The following NRXN1 variants were observed in gnomAD, a reference collection of about 807,000 sequenced individuals.
The protein encoded by NRXN1 is neurexin 1, also known as neurexin-1.
NRXN1 carries 39 observed loss-of-function variants against 150.9 expected under a neutral mutation model. The observed-to-expected ratio is 0.26, with a 90% CI of 0.20 to 0.34. The LOEUF (loss-of-function observed/expected upper bound fraction) is 0.34, where lower values mean the gene tolerates loss of function less well. Among genes scored for constraint, NRXN1 ranks in the 10% least tolerant of loss-of-function variants. The pLI is 1.00. For synonymous variants in NRXN1, 924 were observed against 757.0 expected, an observed-to-expected ratio of 1.22 and a Z score of -3.62; for missense variants, 1,815 against 1,949.9, an observed-to-expected ratio of 0.93 and a Z score of 1.30.
chr2:50,800,738 C>T (rs927030980), intron 5 of NRXN1, among the ~76,000 whole-genome samples: 5 of 151,964 alleles, frequency 3.3e-5, no homozygotes, highest in African/African-American at 9.7e-5. Flanking sequence ...TTAGTAGAGA[C>T]GGGGTTTCAC....
intron 17 of NRXN1, among the ~76,000 whole-genome samples, chr2:50,351,680 A>T (rs1267377812): frequency 6.6e-6 from 1 of 152,140 alleles, no homozygotes; most frequent in Non-Finnish European, 1.5e-5. Context: ...TTTCTAGCAC[A>T]CTACTCTGAG....
chr2:50,218,490 C>CTTTTT (rs34919769), intron 18 of NRXN1, among the ~76,000 whole-genome samples: 14 of 136,756 alleles, frequency 1.0e-4, no homozygotes, highest in Non-Finnish European at 1.4e-4. Flanking sequence ...TTAGCACCTT[C>CTTTTT]TTTTTTTTTT....
chr2:50,300,750 C>A (rs932295957), intron 17 of NRXN1, among the ~76,000 whole-genome samples: 1 of 152,126 alleles, frequency 6.6e-6, no homozygotes, highest in Non-Finnish European at 1.5e-5. Flanking sequence ...GGCTGGAGTG[C>A]AATGGCACTA....
chr2:50,242,938 T>C (rs2066156894), intron 17 of NRXN1, among the ~76,000 whole-genome samples: 1 of 151,772 alleles, frequency 6.6e-6, no homozygotes, highest in African/African-American at 2.4e-5. Flanking sequence ...ACAGGTCCCA[T>C]ATTCTCAATC....
chr2:50,378,951 T>G (rs2080730079), intron 17 of NRXN1, among the ~76,000 whole-genome samples: 1 of 152,154 alleles, frequency 6.6e-6, no homozygotes, highest in Admixed American at 6.5e-5. Context: ...TTGTTTAATG[T>G]AAACATTCTT....
chr2:49,950,282 C>A lies in NRXN1; in HGVS notation c.4129-6491G>T, dbSNP rs186837998. ...GGTGCAAGAGGAATTTAGAGGCTGT[C>A]TAGATCTTATTCTTGTTTCCACTGT... On this transcript the variant is annotated intron_variant, in intron 21 of 22. Coordinates refer to ENST00000401669, the MANE Select transcript of NRXN1 (RefSeq NM_001330078.2). Among the ~76,000 whole-genome samples, 25 of 152,002 alleles carry A rather than the reference C, an allele frequency of 1.6e-4. No individual in the cohort carries two copies. The East Asian group carries it at 4.6e-3, about 28-fold the overall frequency.
intron 5 of NRXN1, among the ~76,000 whole-genome samples, chr2:50,882,191 C>T (rs912689752): frequency 4.0e-5 from 6 of 151,842 alleles, no homozygotes; most frequent in East Asian, 1.9e-4. Context: ...AACCTCCTAA[C>T]ATTTAAGTAG....
At chr2:50,865,658 G>GTTTTTTTTTTTTTTTTTTTTTTTTTTTTT (rs71404978) in intron 5 of NRXN1, among the ~76,000 whole-genome samples, 1 of 41,832 alleles carries the variant, frequency 2.4e-5, no homozygotes, top group Non-Finnish European at 3.9e-5. Flanking sequence ...GCATTTGAAA[G>GTTTTTTTTTTTTTTTTTTTTTTTTTTTTT]TTTTTTTTTT....
At chr2:50,223,135 G>C (rs937724563) in intron 18 of NRXN1, among the ~76,000 whole-genome samples, 2 of 151,868 alleles carry the variant, frequency 1.3e-5, no homozygotes, top group African/African-American at 2.4e-5. Context: ...TGCCTCACTA[G>C]TCTATTGAAT....
chr2:50,981,999 A>AG (rs1418801617), intron 2 of NRXN1, among the ~76,000 whole-genome samples: 2 of 152,090 alleles, frequency 1.3e-5, no homozygotes, highest in African/African-American at 2.4e-5. Flanking sequence ...TAATTCATTA[A>AG]GACTCTTTTT....
chr2:50,129,237 G>A (rs994594463), intron 18 of NRXN1, among the ~76,000 whole-genome samples: 3 of 151,872 alleles, frequency 2.0e-5, no homozygotes, highest in African/African-American at 4.8e-5. Flanking sequence ...CAAAACTGGA[G>A]GAACGCAAAG....
chr2:50,135,661 A>G (rs1706286892), intron 18 of NRXN1, among the ~76,000 whole-genome samples: 1 of 152,152 alleles, frequency 6.6e-6, no homozygotes, highest in African/African-American at 2.4e-5. Flanking sequence ...ATTGCACTCC[A>G]GCCTGGGCGA....
chr2:50,244,273 C>T (rs2066297927), intron 17 of NRXN1, among the ~76,000 whole-genome samples: 1 of 151,758 alleles, frequency 6.6e-6, no homozygotes, highest in Non-Finnish European at 1.5e-5. Flanking sequence ...CCATGGCTGA[C>T]CTATCTTGTC....
At position 50,081,337 on chromosome 2, in the gene NRXN1, G is replaced by T. The variant is rs903050608; in HGVS notation, c.3718+9986C>A. Among the ~76,000 whole-genome samples the T allele has an allele frequency of 2.7e-4, 41 of 152,286 alleles. No individual in the cohort carries two copies. In the Middle Eastern group the frequency reaches 0.017, roughly 64 times the overall value. On this transcript the variant is annotated intron_variant, in intron 19 of 22. Transcript: ENST00000401669. Reference sequence around the variant, plus strand: ...CTCATGCCTGTAATCCCAGCACTTTGGGGGGCTGAGGCGGGTGGATCACGA... The same window carrying T: ...CTCATGCCTGTAATCCCAGCACTTTTGGGGGCTGAGGCGGGTGGATCACGA...
At chr2:49,987,974 T>C (rs1019732998) in intron 21 of NRXN1, among the ~76,000 whole-genome samples, 3 of 152,114 alleles carry the variant, frequency 2.0e-5, no homozygotes, top group Non-Finnish European at 4.4e-5. Context: ...TTTGAAGCTA[T>C]AGTTTCCTAT....
At chr2:50,392,353 A>T (rs531438639) in intron 17 of NRXN1, among the ~76,000 whole-genome samples, 1 of 152,238 alleles carries the variant, frequency 6.6e-6, no homozygotes, top group South Asian at 2.1e-4. Flanking sequence ...AATTACTTAC[A>T]GATTATCACT....
At chr2:50,983,451 T>C (rs993709683) in intron 2 of NRXN1, among the ~76,000 whole-genome samples, 1 of 152,132 alleles carries the variant, frequency 6.6e-6, no homozygotes, top group Non-Finnish European at 1.5e-5. Flanking sequence ...AGTAGTTACA[T>C]TAAGTCCCCA....
chr2:50,378,283 T>C (rs978216983), intron 17 of NRXN1, among the ~76,000 whole-genome samples: 2 of 152,204 alleles, frequency 1.3e-5, no homozygotes, highest in Non-Finnish European at 2.9e-5. Flanking sequence ...ATGCTGATAT[T>C]CATTGACTAT....
chr2:50,262,323 T>C (rs561004459), intron 17 of NRXN1, among the ~76,000 whole-genome samples: 2 of 151,958 alleles, frequency 1.3e-5, no homozygotes, highest in Non-Finnish European at 2.9e-5. Context: ...AACTTTTTAA[T>C]TTTCTAAAAT....
Sources: gnomAD v4.1 joint callset for allele counts (sites outside exome capture counted in the v4.1 genomes callset) on GRCh38, gnomAD v4.1.1 for gene constraint, MANE v1.5 for transcripts, NCBI Gene and HGNC (gene_info 2026-07-23, HGNC 2026-07-21) for gene names.